The following PPARGC1A variants were observed in gnomAD, a reference collection of about 807,000 sequenced individuals.
The protein encoded by PPARGC1A is peroxisome proliferator-activated receptor gamma coactivator 1-alpha.
A neutral mutation model predicts 88.7 loss-of-function variants in PPARGC1A; 25 were observed. The ratio of observed to expected loss-of-function variants is 0.28; its 90% confidence interval spans 0.21 to 0.39. The LOEUF is 0.39. Ranked by LOEUF, PPARGC1A falls within the 10% of genes least tolerant of loss-of-function variation. The probability of loss-of-function intolerance (pLI) is 1.00; values close to 1 mark genes in which losing one functional copy is unlikely to be tolerated. For missense variants in PPARGC1A, 880 were observed against 968.7 expected (o/e 0.91, Z 1.22); for synonymous variants, 363 against 355.6 (o/e 1.02, Z -0.24).
At chr4:23,927,381 A>G in the PPARGC1A span, among the ~76,000 whole-genome samples, 2 of 152,224 alleles carry the variant, frequency 1.3e-5, no homozygotes, top group Non-Finnish European at 2.9e-5. Flanking sequence ...TTATTATGCC[A>G]GTAAAATAAA....
the PPARGC1A span, among the ~76,000 whole-genome samples, chr4:23,926,871 C>T: frequency 1.3e-5 from 2 of 152,196 alleles, no homozygotes; most frequent in African/African-American, 4.8e-5. Context: ...GTTTCCCCCA[C>T]AGACAATGAG....
chr4:24,157,997 T>G, the PPARGC1A span, among the ~76,000 whole-genome samples: 7 of 152,160 alleles, frequency 4.6e-5, no homozygotes, highest in Non-Finnish European at 1.0e-4. Flanking sequence ...GAATAAACTC[T>G]TCTTTACCAA....
At chr4:24,274,730 AC>A in the PPARGC1A span, among the ~76,000 whole-genome samples, 2 of 152,164 alleles carry the variant, frequency 1.3e-5, no homozygotes, top group Non-Finnish European at 2.9e-5. Flanking sequence ...GATGAAAGAG[AC>A]CACCAAAAAG....
At chr4:24,051,676 T>G in the PPARGC1A span, among the ~76,000 whole-genome samples, 1 of 152,128 alleles carries the variant, frequency 6.6e-6, no homozygotes, top group East Asian at 1.9e-4. Context: ...CTGGCAGGCA[T>G]GTAAGTAAGT....
chr4:24,014,974 G>A, the PPARGC1A span, among the ~76,000 whole-genome samples: 1 of 152,126 alleles, frequency 6.6e-6, no homozygotes, highest in African/African-American at 2.4e-5. Flanking sequence ...AGGGGCCATC[G>A]TGATATTCTG....
chr4:24,365,304 C>T, the PPARGC1A span, among the ~76,000 whole-genome samples: 1 of 152,154 alleles, frequency 6.6e-6, no homozygotes, highest in Non-Finnish European at 1.5e-5. Flanking sequence ...TTACAGCTGA[C>T]TCTAAAAAGT....
the PPARGC1A span, among the ~76,000 whole-genome samples, chr4:24,024,091 A>G: frequency 6.6e-6 from 1 of 152,196 alleles, no homozygotes; most frequent in Non-Finnish European, 1.5e-5. Context: ...TACCAGGAAG[A>G]CTAGAATAAG....
chr4:24,139,679 T>C, the PPARGC1A span, among the ~76,000 whole-genome samples: 8 of 152,150 alleles, frequency 5.3e-5, no homozygotes, highest in Non-Finnish European at 7.3e-5. Context: ...GATTCTTGAC[T>C]GTGCATGTTA....
chr4:24,221,389 CT>C, the PPARGC1A span, among the ~76,000 whole-genome samples: 1 of 152,000 alleles, frequency 6.6e-6, no homozygotes, highest in Admixed American at 6.6e-5. Context: ...CATTTTATAC[CT>C]GAGGAAATTA....
At chr4:23,817,557 C>A (rs1348087415) in intron 7 of PPARGC1A, among the ~76,000 whole-genome samples, 3 of 151,862 alleles carry the variant, frequency 2.0e-5, no homozygotes, top group Non-Finnish European at 4.4e-5. Context: ...ATGGAAACAC[C>A]CAGAGACCAT....
the PPARGC1A span, among the ~76,000 whole-genome samples, chr4:24,187,115 G>C: frequency 7.2e-5 from 11 of 152,198 alleles, no homozygotes; most frequent in African/African-American, 2.4e-4. Flanking sequence ...TGCACTTTAA[G>C]TTGGTGTCAC....
the PPARGC1A span, among the ~76,000 whole-genome samples, chr4:24,109,302 C>T: frequency 3.2e-5 from 2 of 63,234 alleles, no homozygotes; most frequent in Admixed American, 1.6e-4. Flanking sequence ...TCATTATACA[C>T]ACACACACAC....
the PPARGC1A span, among the ~76,000 whole-genome samples, chr4:24,282,108 C>T: frequency 6.6e-6 from 1 of 152,190 alleles, no homozygotes; most frequent in East Asian, 1.9e-4. Flanking sequence ...TTACAGCAAC[C>T]CAATGGAGCA....
the PPARGC1A span, among the ~76,000 whole-genome samples, chr4:23,996,657 C>T: frequency 2.0e-5 from 3 of 152,134 alleles, no homozygotes; most frequent in African/African-American, 7.2e-5. Flanking sequence ...AGCCTAGATA[C>T]AGGAAACCTA....
At chr4:23,973,857 C>A in the PPARGC1A span, among the ~76,000 whole-genome samples, 1 of 151,776 alleles carries the variant, frequency 6.6e-6, no homozygotes, top group Non-Finnish European at 1.5e-5. Context: ...GGGTTGGTAA[C>A]CTTTAAGGTA....
the PPARGC1A span, among the ~76,000 whole-genome samples, chr4:24,357,242 A>T: frequency 6.6e-6 from 1 of 152,150 alleles, no homozygotes; most frequent in Non-Finnish European, 1.5e-5. Context: ...ACTGCAACTC[A>T]AGTCTAAGCT....
At chr4:24,329,585 C>T in the PPARGC1A span, among the ~76,000 whole-genome samples, 1 of 152,152 alleles carries the variant, frequency 6.6e-6, no homozygotes, top group Non-Finnish European at 1.5e-5. Flanking sequence ...ATCCTTGTTC[C>T]AGGTTGAATG....
At chr4:24,444,910 G>A in the PPARGC1A span, among the ~76,000 whole-genome samples, 154 of 152,216 alleles carry the variant, frequency 1.0e-3, no homozygotes, top group African/African-American at 3.2e-3. Flanking sequence ...AAAATTAGCT[G>A]GACGTGGTGG....
chr4:24,366,760 C>T, the PPARGC1A span, among the ~76,000 whole-genome samples: 1 of 152,200 alleles, frequency 6.6e-6, no homozygotes, highest in South Asian at 2.1e-4. Context: ...GAATTAGAAA[C>T]CAACAAAACC....
Sources: gnomAD v4.1 joint callset for allele counts (sites outside exome capture counted in the v4.1 genomes callset) on GRCh38, gnomAD v4.1.1 for gene constraint, MANE v1.5 for transcripts, NCBI Gene and HGNC (gene_info 2026-07-23, HGNC 2026-07-21) for gene names.